GSAP: variants seen among roughly 807,000 people sequenced by gnomAD.
The protein encoded by GSAP is gamma-secretase activating protein.
A neutral mutation model predicts 131.7 loss-of-function variants in GSAP; 118 were observed. That is an observed-to-expected ratio of 0.90 (90% CI 0.77 to 1.04). The LOEUF is 1.04. GSAP is among the 50% of genes least tolerant of loss of function. The pLI is 0.00. For missense variants in GSAP, 1,019 were observed against 1,013.2 expected (o/e 1.01, Z -0.08); for synonymous variants, 381 against 363.4 (o/e 1.05, Z -0.55).
rs551928779 is a variant in GSAP, at chr7:77,324,548, C to A, written c.1828-806G>T. 9.2e-5 allele frequency among the ~76,000 whole-genome samples: 14 copies of A among 152,244 alleles called. 1 individual carries two copies. In the South Asian group the frequency reaches 2.9e-3, roughly 32 times the overall value. On this transcript the variant is annotated intron_variant, in intron 23 of 30. Coordinates refer to ENST00000257626, the MANE Select transcript of GSAP (RefSeq NM_017439.4). ...TTAGCAGGTTCACATTACAATACCC[C>A]GAGTAAAACCAAGTCCACAACCTTC...
chr7:77,325,069 G>T (rs751281797), intron 23 of GSAP, among the ~76,000 whole-genome samples: 13 of 152,008 alleles, frequency 8.6e-5, no homozygotes, highest in Non-Finnish European at 1.8e-4. Context: ...ACCCACCTCG[G>T]CCTCCCAAAG....
At chr7:77,313,386 T>C in intron 28 of GSAP, 102 bp downstream of exon 28, 1 of 655,830 alleles carries the variant, frequency 1.5e-6, no homozygotes, top group South Asian at 1.8e-5. Context: ...AACAATTCAA[T>C]TGACTTTAAC....
intron 12 of GSAP, among the ~76,000 whole-genome samples, chr7:77,369,192 A>G (rs774001851): frequency 2.0e-5 from 3 of 152,218 alleles, no homozygotes; most frequent in Non-Finnish European, 4.4e-5. Context: ...GGTGCACAAG[A>G]AAGAATTACA....
intron 5 of GSAP, 28 bp downstream of exon 5, chr7:77,396,954 T>C (rs1381599400): frequency 1.5e-5 from 20 of 1,346,646 alleles, no homozygotes; most frequent in Non-Finnish European, 2.1e-5. Context: ...CATCTACCCA[T>C]AGGTACTAAA....
At chr7:77,365,895 TG>T (rs1228357499) in intron 12 of GSAP, among the ~76,000 whole-genome samples, 5 of 135,552 alleles carry the variant, frequency 3.7e-5, no homozygotes, top group Non-Finnish European at 6.3e-5. Context: ...CCAGCAACTG[TG>T]GGTTTTTTTT....
chr7:77,411,416 G>A (rs914248590), intron 1 of GSAP, among the ~76,000 whole-genome samples: 10 of 152,028 alleles, frequency 6.6e-5, no homozygotes, highest in African/African-American at 2.4e-4. Flanking sequence ...TCCCAACAAG[G>A]GATTAAGCAC....
chr7:77,394,539 A>G (rs547802359), intron 5 of GSAP, among the ~76,000 whole-genome samples: 9 of 152,326 alleles, frequency 5.9e-5, no homozygotes, highest in African/African-American at 1.7e-4. Context: ...TCACACTAAG[A>G]TAAGAACTTA....
At chr7:77,358,039 G>A (rs1026816721) in intron 14 of GSAP, among the ~76,000 whole-genome samples, 4 of 152,130 alleles carry the variant, frequency 2.6e-5, no homozygotes, top group African/African-American at 4.8e-5. Flanking sequence ...AACAAAATAA[G>A]GTAGGGTATT....
chr7:77,413,012 T>C (rs1210418009), intron 1 of GSAP, among the ~76,000 whole-genome samples: 2 of 151,950 alleles, frequency 1.3e-5, no homozygotes, highest in Non-Finnish European at 2.9e-5. Context: ...TTAGTAAGAG[T>C]ACTGACCATA....
chr7:77,360,757 A>C (rs1271788749), intron 14 of GSAP, 67 bp downstream of exon 14: 7 of 827,940 alleles, frequency 8.5e-6, no homozygotes, highest in Non-Finnish European at 1.5e-5. Context: ...ATAGTATAGA[A>C]GGCTGAGGTA....
chr7:77,330,749 G>A lies in GSAP; in HGVS notation c.1546-382C>T, dbSNP rs1032516980. On this transcript the variant is annotated intron_variant, in intron 19 of 30. Transcript: ENST00000257626. The stretch of plus-strand genomic sequence containing the variant: ...TTTTATGACTTAGGTGGTGTCAACA[G>A]TGCCATGTTCACTAAGAGAAAGTTC... The A allele has an allele frequency of 2.8e-5, 28 of 986,742 alleles. No homozygotes were observed. In the African/African-American group the frequency reaches 3.8e-4, roughly 14 times the overall value. 61.1% of individuals were successfully genotyped at this position (986,742 alleles called of 1,614,324 possible).
chr7:77,355,018 C>G (rs918024006), intron 16 of GSAP, among the ~76,000 whole-genome samples, 195 bp downstream of exon 16: 3 of 152,086 alleles, frequency 2.0e-5, no homozygotes, highest in African/African-American at 7.2e-5. Flanking sequence ...CCCAAAAGAA[C>G]AGAAACACCC....
In GSAP at chr7:77,314,486, A is replaced by C; in HGVS notation, c.2093T>G (p.Phe698Cys). The C allele has an allele frequency of 6.2e-7, 1 of 1,613,628 alleles. No individual in the cohort carries two copies. The highest frequency in any genetic ancestry group is 8.5e-7 in the Non-Finnish European group (1 of 1,179,714). Residue 698 changes from phenylalanine (F) to cysteine (C), a missense_variant, in exon 27 of 31, where the codon TTT (phenylalanine) becomes TGT (cysteine). Phe to Cys is a radical substitution (Grantham distance 205). Transcript: ENST00000257626. ...NSLFLPLPPG[F>C]HTLHTILGVQ... ...CCCGAGGATGGTGTGCAGAGTATGA[A>C]AACCTAGGATGAGAGATCTGGAGGG...
chr7:77,311,914 T>G lies in GSAP; in HGVS notation c.2400A>C (p.Ser800=). ...GAGGCAGAAATTCTACACTGAACGA[T>G]GACTTGTTAATCATAGAATTCCGAG... ...KQPRNSMINK[S]SFSVEFLPLN... is the part of the protein sequence containing the mutation. Residue 800 remains serine (S), a synonymous_variant, in exon 30 of 31, where the codon TCA becomes TCC. Transcript: ENST00000257626. 2 of 1,599,670 alleles carry G rather than the reference T, an allele frequency of 1.3e-6. No individual in the cohort carries two copies. The highest frequency in any genetic ancestry group is 1.3e-5 in the African/African-American group (1 of 74,756).
intron 12 of GSAP, among the ~76,000 whole-genome samples, chr7:77,364,702 GTACC>G (rs1446385744): frequency 6.6e-6 from 1 of 152,070 alleles, no homozygotes; most frequent in Non-Finnish European, 1.5e-5. Flanking sequence ...TAGAATAAAT[GTACC>G]TAATTACATA....
intron 25 of GSAP, 49 bp from the exon 26 acceptor site, chr7:77,320,868 A>T (rs748347517): frequency 3.2e-5 from 36 of 1,130,292 alleles, no homozygotes; most frequent in Non-Finnish European, 4.6e-5. Context: ...CTCATCTGTG[A>T]TGCTCCATTT....
At chr7:77,414,920 A>C (rs767118261) in intron 1 of GSAP, among the ~76,000 whole-genome samples, 8 of 124,058 alleles carry the variant, frequency 6.4e-5, no homozygotes, top group African/African-American at 9.5e-5. Context: ...TGCAGTGGCG[A>C]GATCTCGGCT....
At chr7:77,314,036 A>G (rs576290349) in intron 27 of GSAP, among the ~76,000 whole-genome samples, 1 of 152,306 alleles carries the variant, frequency 6.6e-6, no homozygotes, top group South Asian at 2.1e-4. Flanking sequence ...TGCACAGAAA[A>G]GGAATCTAAT....
At chr7:77,322,990 T>TA (rs1787872675) in intron 24 of GSAP, among the ~76,000 whole-genome samples, 1 of 148,568 alleles carries the variant, frequency 6.7e-6, no homozygotes, top group African/African-American at 2.6e-5. Context: ...TGGAGTGTTC[T>TA]TTCTCTTTCT....
Sources: allele counts gnomAD v4.1 joint callset (sites outside exome capture counted in the v4.1 genomes callset), GRCh38; gene constraint gnomAD v4.1.1; transcripts MANE v1.5; gene names NCBI Gene and HGNC (gene_info 2026-07-23, HGNC 2026-07-21).